The following KCNAB1 variants were observed in gnomAD, a reference collection of about 807,000 sequenced individuals.
KCNAB1 encodes the protein voltage-gated potassium channel subunit beta-1.
A neutral mutation model predicts 64.6 loss-of-function variants in KCNAB1; 35 were observed. That is an observed-to-expected ratio of 0.54 (90% CI 0.41 to 0.72). The LOEUF (loss-of-function observed/expected upper bound fraction) is 0.72, where lower values mean the gene tolerates loss of function less well. Among genes scored for constraint, KCNAB1 ranks in the 30% least tolerant of loss-of-function variants. KCNAB1 has a pLI of 0.00. For synonymous variants in KCNAB1, 177 were observed against 183.8 expected, an observed-to-expected ratio of 0.96 and a Z score of 0.30; for missense variants, 401 against 512.9, an observed-to-expected ratio of 0.78 and a Z score of 2.11.
chr3:156,149,615 C>T (rs1285432001), intron 1 of KCNAB1, among the ~76,000 whole-genome samples: 2 of 152,078 alleles, frequency 1.3e-5, no homozygotes, highest in Non-Finnish European at 2.9e-5. Flanking sequence ...CAAGCTCTTC[C>T]CTCCCTCCTC....
chr3:156,243,878 C>A (rs2108452829), intron 1 of KCNAB1, among the ~76,000 whole-genome samples: 1 of 152,232 alleles, frequency 6.6e-6, no homozygotes, highest in Non-Finnish European at 1.5e-5. Flanking sequence ...TGTAGCCTCC[C>A]CTCCCAACTA....
intron 1 of KCNAB1, among the ~76,000 whole-genome samples, chr3:156,148,837 C>T (rs1715212797): frequency 6.9e-6 from 1 of 144,126 alleles, no homozygotes; most frequent in Admixed American, 7.3e-5. Flanking sequence ...CTCCTTTCAT[C>T]ACTTGCTTTT....
At chr3:156,122,759 T>C (rs925575844) in intron 1 of KCNAB1, among the ~76,000 whole-genome samples, 2 of 152,212 alleles carry the variant, frequency 1.3e-5, no homozygotes, top group Non-Finnish European at 2.9e-5. Context: ...TATTGCAGCA[T>C]GATTATTTCC....
chr3:156,531,178 C>T (rs895128657), intron 12 of KCNAB1, among the ~76,000 whole-genome samples: 9 of 152,132 alleles, frequency 5.9e-5, no homozygotes, highest in African/African-American at 2.4e-5. Flanking sequence ...CATTGTCCAG[C>T]GCCTCTATGC....
At chr3:156,214,957 C>T (rs912944403) in intron 1 of KCNAB1, among the ~76,000 whole-genome samples, 2 of 152,172 alleles carry the variant, frequency 1.3e-5, no homozygotes, top group African/African-American at 4.8e-5. Context: ...AATGTCTATT[C>T]CTTATCCACC....
At position 156,509,418 on chromosome 3, in the gene KCNAB1, T is replaced by C. The variant is rs369593931; in HGVS notation, c.659-4946T>C. Among the ~76,000 whole-genome samples the C allele has an allele frequency of 3.9e-5, 6 of 152,174 alleles. No individual in the cohort carries two copies. The East Asian group carries it at 7.7e-4, about 20-fold the overall frequency. On this transcript the variant is annotated intron_variant, in intron 8 of 13. Transcript: ENST00000490337. The stretch of plus-strand genomic sequence containing the variant: ...CTGCTGCTGCTGCTGGTCCAGGAGC[T>C]ACACCCTGAGACCATTGGTGTAGAC...
At chr3:156,471,716 G>C (rs963875968) in intron 7 of KCNAB1, among the ~76,000 whole-genome samples, 1 of 152,228 alleles carries the variant, frequency 6.6e-6, no homozygotes, top group African/African-American at 2.4e-5. Context: ...AATGGAGATA[G>C]AACATGATGA....
intron 1 of KCNAB1, among the ~76,000 whole-genome samples, chr3:156,142,054 G>T (rs1368181894): frequency 6.6e-6 from 1 of 152,152 alleles, no homozygotes. Context: ...ATCTTCTTCA[G>T]TGAAATGTTT....
chr3:156,132,487 A>G (rs1714058007), intron 1 of KCNAB1, among the ~76,000 whole-genome samples: 1 of 152,044 alleles, frequency 6.6e-6, no homozygotes, highest in African/African-American at 2.4e-5. Flanking sequence ...TTGGCAGCTC[A>G]TGTGTTATTC....
At chr3:156,501,677 C>T (rs188959896) in intron 8 of KCNAB1, among the ~76,000 whole-genome samples, 4 of 152,006 alleles carry the variant, frequency 2.6e-5, no homozygotes, top group Admixed American at 2.0e-4. Flanking sequence ...GGTGATCCAC[C>T]CCCCTCAGCC....
chr3:156,188,260 A>C, intron 1 of KCNAB1, among the ~76,000 whole-genome samples: 1 of 151,826 alleles, frequency 6.6e-6, no homozygotes, highest in Non-Finnish European at 1.5e-5. Context: ...AAATTTTGGA[A>C]AATATGGAAA....
Position 156,537,307 on chromosome 3 carries a change from A to G in KCNAB1, c.*560A>G, listed in dbSNP as rs1475476744. ...GAAGAATAAGCAGAAATAATTTTAT[A>G]TATTTTTTTTCTATTTTCACATTCA... On this transcript the variant is annotated 3_prime_UTR_variant, in exon 14 of 14. Transcript: ENST00000490337. 1.7e-5 allele frequency: 6 copies of G among 357,738 alleles called. No homozygotes were observed. The highest frequency in any genetic ancestry group is 4.1e-5 in the East Asian group (1 of 24,372). The allele number at this position is 357,738 out of a possible 1,614,324, so 22.2% of individuals were successfully genotyped here.
chr3:156,351,936 G>A (rs895390958), intron 1 of KCNAB1, among the ~76,000 whole-genome samples: 7 of 152,148 alleles, frequency 4.6e-5, no homozygotes, highest in East Asian at 1.9e-4. Context: ...GGTCCATGCC[G>A]CCCTATCCCA....
At chr3:156,504,772 A>T (rs1576950957) in intron 8 of KCNAB1, among the ~76,000 whole-genome samples, 3 of 115,232 alleles carry the variant, frequency 2.6e-5, no homozygotes, top group Admixed American at 1.8e-4. Context: ...TTTGCTGCTG[A>T]GTTGTTTGAA....
intron 5 of KCNAB1, among the ~76,000 whole-genome samples, chr3:156,460,750 T>C (rs1362118710): frequency 6.6e-6 from 1 of 152,184 alleles, no homozygotes; most frequent in Non-Finnish European, 1.5e-5. Flanking sequence ...TAAAATTTAG[T>C]CTAGAGAAAA....
chr3:156,157,979 C>G (rs569903200), intron 1 of KCNAB1, among the ~76,000 whole-genome samples: 2 of 151,608 alleles, frequency 1.3e-5, no homozygotes, highest in African/African-American at 4.8e-5. Context: ...TTGGCTAACA[C>G]GGTGAAACCC....
At chr3:156,198,437 C>T (rs1228379742) in intron 1 of KCNAB1, among the ~76,000 whole-genome samples, 1 of 151,942 alleles carries the variant, frequency 6.6e-6, no homozygotes, top group Non-Finnish European at 1.5e-5. Context: ...CTCTTTGTAG[C>T]TCTCTAAGAA....
chr3:156,436,986 G>A (rs1054498715), intron 2 of KCNAB1, among the ~76,000 whole-genome samples: 1 of 152,152 alleles, frequency 6.6e-6, no homozygotes, highest in South Asian at 2.1e-4. Flanking sequence ...GTCTTTGCCT[G>A]TGCCATGTCG....
intron 1 of KCNAB1, among the ~76,000 whole-genome samples, chr3:156,204,424 T>G (rs1189788335): frequency 6.6e-6 from 1 of 152,216 alleles, no homozygotes; most frequent in African/African-American, 2.4e-5. Flanking sequence ...AAATCTAGTC[T>G]TACATGTATT....
Sources: allele counts gnomAD v4.1 joint callset (sites outside exome capture counted in the v4.1 genomes callset), GRCh38; gene constraint gnomAD v4.1.1; transcripts MANE v1.5; gene names NCBI Gene and HGNC (gene_info 2026-07-23, HGNC 2026-07-21).